VCP: variants seen among roughly 807,000 people sequenced by gnomAD.
VCP encodes the protein transitional endoplasmic reticulum ATPase.
A neutral mutation model predicts 85.7 loss-of-function variants in VCP; 6 were observed. That is an observed-to-expected ratio of 0.07 (90% CI 0.04 to 0.14). The LOEUF is 0.14. Ranked by LOEUF, VCP falls within the 10% of genes least tolerant of loss-of-function variation. The pLI is 1.00. For synonymous variants in VCP, 384 were observed against 367.1 expected (o/e 1.05, Z -0.53); for missense variants, 353 against 1,043.4 (o/e 0.34, Z 9.12).
intron 3 of VCP, among the ~76,000 whole-genome samples, chr9:35,067,494 C>T (rs1365594398): frequency 6.6e-6 from 1 of 152,184 alleles, no homozygotes; most frequent in Non-Finnish European, 1.5e-5. Context: ...CCCATACCCC[C>T]ACCTCATTCC....
chr9:35,059,128 A>G lies in VCP; in HGVS notation c.2096T>C (p.Ile699Thr). Residue 699 changes from isoleucine (I) to threonine (T), a missense_variant, in exon 15 of 17, where the codon ATC (isoleucine) becomes ACC (threonine). This residue lies in a region of VCP where 93 missense variants were observed against 197.1 expected (regional missense o/e 0.47). Coordinates refer to ENST00000358901, the MANE Select transcript of VCP (RefSeq NM_007126.5). The surrounding 1 kb of genome is among the most constrained non-coding windows in gnomAD (Gnocchi z 4.9). Reference protein sequence around the residue: ...EICQRACKLAIRESIESEIRR... With the variant: ...EICQRACKLATRESIESEIRR... ...AATCTCACTCTCGATGGATTCACGG[A>G]TGGCCAGCTTGCAAGCACGCTGGCA... The G allele has an allele frequency of 1.2e-6, 2 of 1,614,118 alleles. No homozygotes were observed. The highest frequency in any genetic ancestry group is 1.7e-6 in the Non-Finnish European group (2 of 1,180,024).
intron 1 of VCP, among the ~76,000 whole-genome samples, chr9:35,071,205 G>A (rs1472322679): frequency 6.7e-6 from 1 of 148,962 alleles, no homozygotes; most frequent in Non-Finnish European, 1.5e-5. Flanking sequence ...TCCGAATTCA[G>A]AAACTTGAGA....
In VCP at chr9:35,072,521, G is replaced by A; in HGVS notation, c.-168C>T. On this transcript the variant is annotated 5_prime_UTR_variant, in exon 1 of 17. It adds an upstream start codon to the 5' untranslated region. Coordinates refer to ENST00000358901, the MANE Select transcript of VCP (RefSeq NM_007126.5). The stretch of plus-strand genomic sequence containing the variant: ...CGCTTCCTCCCACCGGCAGCGAGGC[G>A]TCGGGCGAACAACGCTGGCTCCTGA... The A allele has an allele frequency of 1.2e-6, 1 of 865,108 alleles. No homozygotes were observed. The highest frequency in any genetic ancestry group is 1.6e-6 in the Non-Finnish European group (1 of 621,872). The allele number at this position is 865,108 out of a possible 1,614,324, so 53.6% of individuals were successfully genotyped here.
intron 13 of VCP, 111 bp downstream of exon 13, chr9:35,060,202 T>G: frequency 9.0e-7 from 1 of 1,112,162 alleles, no homozygotes; most frequent in Non-Finnish European, 1.3e-6. Flanking sequence ...AGTGACTTAC[T>G]GTGCAGTTGA....
At chr9:35,070,732 G>A (rs1257657113) in intron 1 of VCP, among the ~76,000 whole-genome samples, 1 of 152,132 alleles carries the variant, frequency 6.6e-6, no homozygotes, top group African/African-American at 2.4e-5. Flanking sequence ...CACTGTGCCC[G>A]GTCAATAGTT....
chr9:35,060,082 G>A (rs1828691585), intron 13 of VCP, among the ~76,000 whole-genome samples: 1 of 152,074 alleles, frequency 6.6e-6, no homozygotes, highest in Non-Finnish European at 1.5e-5. Flanking sequence ...AGTGAGCCAT[G>A]ACTGTACCAC....
intron 15 of VCP, chr9:35,057,925 ATAAACCT>A: frequency 3.0e-6 from 1 of 330,362 alleles, no homozygotes; most frequent in Non-Finnish European, 5.8e-6. Context: ...TCATACCTTA[ATAAACCT>A]TAATACTTTA....
At chr9:35,061,402 G>A (rs1828718532) in intron 10 of VCP, among the ~76,000 whole-genome samples, 175 bp downstream of exon 10, 1 of 152,138 alleles carries the variant, frequency 6.6e-6, no homozygotes, top group Non-Finnish European at 1.5e-5. Flanking sequence ...TAAATGCAGC[G>A]TCAACTATGA....
Position 35,062,282 on chromosome 9 carries a change from C to T in VCP, c.880G>A (p.Glu294Lys). ...AAGATGATGGCAGGAGCATTCTTCT[C>T]AGCCTCCTCAAAGGCTTTACGAAGG... ...SNLRKAFEEA[E>K]KNAPAIIFID... Residue 294 changes from glutamate to lysine, a missense_variant, in exon 8 of 17, where the codon GAG becomes AAG. Transcript: ENST00000358901. 1 of 1,614,210 alleles carries T rather than the reference C, an allele frequency of 6.2e-7. No individual in the cohort carries two copies. Among genetic ancestry groups the T allele is most frequent in the East Asian group, 2.2e-5 (1 of 44,888 alleles).
chr9:35,071,910 G>A, intron 1 of VCP: 1 of 1,001,986 alleles, frequency 1.0e-6, no homozygotes, highest in Non-Finnish European at 1.2e-6. Context: ...CTGGGGCCTC[G>A]GGCTCGCGGG....
chr9:35,065,022 C>G (rs1486124117), intron 5 of VCP, among the ~76,000 whole-genome samples: 1 of 152,152 alleles, frequency 6.6e-6, no homozygotes, highest in Non-Finnish European at 1.5e-5. Context: ...TGTGTACCAC[C>G]ATGCCTGGCT....
intron 15 of VCP, chr9:35,057,735 C>G: frequency 1.5e-6 from 1 of 660,308 alleles, no homozygotes; most frequent in Non-Finnish European, 2.7e-6. Flanking sequence ...ACTGTAGGGA[C>G]AGAAATCACA....
Position 35,057,025 on chromosome 9 carries a change from G to T in VCP, c.*92C>A. ...GACTGGAGAATGGAGCAGGCTGTGG[G>T]CGCACCCCTGGTCCCTCTCCTGGGC... On this transcript the variant is annotated 3_prime_UTR_variant, in exon 17 of 17. Transcript: ENST00000358901. 1.6e-6 allele frequency: 2 copies of T among 1,263,368 alleles called. No individual in the cohort carries two copies. The highest frequency in any genetic ancestry group is 2.3e-6 in the Non-Finnish European group (2 of 868,434). 78.3% of individuals were successfully genotyped at this position (1,263,368 alleles called of 1,614,324 possible). A position where few individuals can be genotyped will look rare whatever the true frequency, so the allele number is the denominator to read the frequency against.
At chr9:35,068,167 C>G in intron 2 of VCP, 84 bp downstream of exon 2, 1 of 1,606,598 alleles carries the variant, frequency 6.2e-7, no homozygotes, top group Non-Finnish European at 8.5e-7. Flanking sequence ...TCTGCAGTCA[C>G]TGCAAGAAAA....
chr9:35,059,547 C>T lies in VCP; in HGVS notation c.1950G>A (p.Glu650=), dbSNP rs752382520. 8 of 1,614,046 alleles carry T rather than the reference C, an allele frequency of 5.0e-6. No homozygotes were observed. The South Asian group carries it at 8.8e-5, about 18-fold the overall frequency. The change falls in exon 14 of 17, where the codon GAG becomes GAA. Residue 650 remains glutamate, a synonymous_variant. Coordinates refer to ENST00000358901, the MANE Select transcript of VCP (RefSeq NM_007126.5). This position sits in a 1 kb window ranked among gnomAD's most constrained non-coding sequence, Gnocchi z 4.9. ...CCTTGAGGATGGCAACACGGGACTT[C>T]TCATCAGGAAGTGGGATGTAGATGA... The part of the protein sequence containing the change: ...DQLIYIPLPD[E]KSRVAILKAN...
chr9:35,061,232 G>C, intron 10 of VCP, 53 bp from the exon 11 acceptor site: 9 of 1,609,974 alleles, frequency 5.6e-6, no homozygotes, highest in Non-Finnish European at 7.6e-6. Flanking sequence ...GCTGCTGCAG[G>C]AGGCTCAGAG....
chr9:35,071,928 C>G, intron 1 of VCP: 4 of 1,023,424 alleles, frequency 3.9e-6, no homozygotes, highest in Non-Finnish European at 4.7e-6. Context: ...GGGGCCTGCT[C>G]TCTCCGGGGA....
At position 35,056,707 on chromosome 9, in the gene VCP, C is replaced by T; in HGVS notation, c.*410G>A. 1 of 267,476 alleles carries T rather than the reference C, an allele frequency of 3.7e-6. No individual in the cohort carries two copies. Among genetic ancestry groups the T allele is most frequent in the East Asian group, 8.8e-5 (1 of 11,352 alleles). The allele number at this position is 267,476 out of a possible 1,614,324, so 16.6% of individuals were successfully genotyped here. On this transcript the variant is annotated 3_prime_UTR_variant, in exon 17 of 17. Coordinates refer to ENST00000358901, the MANE Select transcript of VCP (RefSeq NM_007126.5). Reference sequence around the variant, plus strand: ...CTATATAAACATCCAGCAACTGTGGCCCCTACCCACCTACCCAGGTTGGAT... The same window carrying T: ...CTATATAAACATCCAGCAACTGTGGTCCCTACCCACCTACCCAGGTTGGAT...
In VCP at chr9:35,066,857, T is replaced by G. The variant is rs745585033; in HGVS notation, c.303-40A>C. On this transcript the variant is annotated intron_variant, in intron 3 of 16. Transcript: ENST00000358901. Reference sequence around the variant, plus strand: ...CAGACTCCATATTACCAACCACACTTCGGGCCCAAGCACTGGGTGTCCAAA... The same window carrying G: ...CAGACTCCATATTACCAACCACACTGCGGGCCCAAGCACTGGGTGTCCAAA... The G allele has an allele frequency of 7.4e-6, 12 of 1,613,284 alleles. No homozygotes were observed. In the Admixed American group the frequency reaches 1.8e-4, roughly 25 times the overall value.
Sources: gnomAD v4.1 joint callset for allele counts (sites outside exome capture counted in the v4.1 genomes callset) on GRCh38, gnomAD v4.1.1 for gene constraint, gnomAD v4.1.1 regional missense constraint, Gnocchi (gnomAD v3.1) non-coding constraint, MANE v1.5 for transcripts, NCBI Gene and HGNC (gene_info 2026-07-23, HGNC 2026-07-21) for gene names.